The following ASB15 variants were observed in gnomAD, a reference collection of about 807,000 sequenced individuals.
ASB15 encodes the protein ankyrin repeat and SOCS box protein 15.
ASB15 carries 54 observed loss-of-function variants against 58.0 expected under a neutral mutation model. That is an observed-to-expected ratio of 0.93 (90% CI 0.75 to 1.17). ASB15 has a LOEUF of 1.17. ASB15 is among the 50% of genes most tolerant of loss of function. The pLI, the probability that ASB15 is intolerant of heterozygous loss-of-function variation, is 0.00. For synonymous variants in ASB15, 249 were observed against 262.4 expected (o/e 0.95, Z 0.50); for missense variants, 680 against 707.4 (o/e 0.96, Z 0.44).
intron 9 of ASB15, among the ~76,000 whole-genome samples, chr7:123,627,705 T>C (rs1801886638): frequency 6.6e-6 from 1 of 152,238 alleles, no homozygotes; most frequent in Non-Finnish European, 1.5e-5. Context: ...TATTATAGTA[T>C]AATGTCAAAT....
chr7:123,588,860 CA>C (rs1373076092), intron 1 of ASB15, among the ~76,000 whole-genome samples: 2 of 151,620 alleles, frequency 1.3e-5, no homozygotes, highest in African/African-American at 4.8e-5. Flanking sequence ...TTAATCTTCA[CA>C]TATTTTTTAA....
chr7:123,595,548 A>G (rs955391933), intron 1 of ASB15, among the ~76,000 whole-genome samples: 3 of 152,188 alleles, frequency 2.0e-5, no homozygotes, highest in African/African-American at 7.2e-5. Flanking sequence ...GTTTACCACA[A>G]TTCATTTTCT....
intron 2 of ASB15, among the ~76,000 whole-genome samples, chr7:123,605,213 A>C (rs1232255072): frequency 6.6e-6 from 1 of 152,212 alleles, no homozygotes; most frequent in Non-Finnish European, 1.5e-5. Context: ...ATTTATGTGT[A>C]TATGCATAAG....
At chr7:123,594,742 G>A (rs547028427) in intron 1 of ASB15, among the ~76,000 whole-genome samples, 1 of 152,298 alleles carries the variant, frequency 6.6e-6, no homozygotes, top group East Asian at 1.9e-4. Flanking sequence ...ACGGGGGTCA[G>A]GGACCCACTT....
rs560109929 is a variant in ASB15, at chr7:123,586,517, G to A, written c.-442-17515G>A. Among the ~76,000 whole-genome samples, 11 of 151,554 alleles carry A rather than the reference G, an allele frequency of 7.3e-5. No homozygotes were observed. In the East Asian group the frequency reaches 1.4e-3, roughly 19 times the overall value. ...TTCTCCCTTGGTTGCATTTTCTTTCGTTGATTGTTTCCTTTGCTGTGCAGA... is the reference window on the plus strand; with the variant it reads ...TTCTCCCTTGGTTGCATTTTCTTTCATTGATTGTTTCCTTTGCTGTGCAGA... On this transcript the variant is annotated intron_variant, in intron 1 of 13. Transcript: ENST00000451558.
chr7:123,609,960 T>A (rs1800352829), intron 3 of ASB15, among the ~76,000 whole-genome samples: 1 of 152,210 alleles, frequency 6.6e-6, no homozygotes, highest in South Asian at 2.1e-4. Context: ...GACCATGATG[T>A]TTAGACTCCA....
intron 11 of ASB15, among the ~76,000 whole-genome samples, chr7:123,634,857 G>C (rs1473419066): frequency 6.6e-6 from 1 of 152,166 alleles, no homozygotes; most frequent in African/African-American, 2.4e-5. Context: ...CACAGAACCT[G>C]ATATAGTTTT....
intron 2 of ASB15, among the ~76,000 whole-genome samples, chr7:123,607,476 T>G (rs1418014397): frequency 6.6e-6 from 1 of 152,186 alleles, no homozygotes; most frequent in Non-Finnish European, 1.5e-5. Context: ...TCTGATTATT[T>G]CTTTTATTTA....
At chr7:123,618,945 G>A (rs57327929) in intron 7 of ASB15, among the ~76,000 whole-genome samples, 43,402 of 151,804 alleles carry the variant, frequency 0.29, 6,527 homozygotes, top group East Asian at 0.42. Context: ...GGAGGCCAAG[G>A]TGGGCGAATC....
chr7:123,609,710 C>T (rs890502572), intron 3 of ASB15, among the ~76,000 whole-genome samples: 2 of 152,130 alleles, frequency 1.3e-5, no homozygotes, highest in African/African-American at 4.8e-5. Context: ...AAAGGGAGAA[C>T]CTTGGTTCCG....
intron 3 of ASB15, among the ~76,000 whole-genome samples, chr7:123,611,082 CAAAAAAAAAA>C (rs34527165): frequency 3.7e-5 from 3 of 81,846 alleles, no homozygotes; most frequent in East Asian, 4.0e-4. Flanking sequence ...AACTCCATCT[CAAAAAAAAAA>C]AAAAAAAAAA....
chr7:123,615,512 T>TGCTA (rs1800743817), intron 4 of ASB15: 1 of 152,218 alleles, frequency 6.6e-6, no homozygotes, highest in African/African-American at 2.4e-5. Context: ...AACCCTGGTA[T>TGCTA]GCTAGCAGAT....
At chr7:123,620,011 C>T (rs998809653) in intron 7 of ASB15, 1 of 152,230 alleles carries the variant, frequency 6.6e-6, no homozygotes, top group African/African-American at 2.4e-5. Context: ...TTCTCTCTCA[C>T]ACATTGCAGA....
intron 1 of ASB15, among the ~76,000 whole-genome samples, chr7:123,569,866 A>C (rs1412297153): frequency 1.3e-5 from 2 of 152,188 alleles, no homozygotes; most frequent in Non-Finnish European, 2.9e-5. Flanking sequence ...GCAGAAGGGA[A>C]TTTGAATGTG....
chr7:123,572,323 G>A (rs781059833), intron 1 of ASB15, among the ~76,000 whole-genome samples: 2 of 151,206 alleles, frequency 1.3e-5, no homozygotes, highest in Non-Finnish European at 3.0e-5. Context: ...TGTATTTTTA[G>A]TAGAGACAGG....
At position 123,583,294 on chromosome 7, in the gene ASB15, G is replaced by C. The variant is rs114944571; in HGVS notation, c.-443+16206G>C. Reference sequence around the variant, plus strand: ...GATTCTAAAACTGAACAGGAAATCAGAGCTATTTTTGGGCCTAATTTCAAC... The same window carrying C: ...GATTCTAAAACTGAACAGGAAATCACAGCTATTTTTGGGCCTAATTTCAAC... On this transcript the variant is annotated intron_variant, in intron 1 of 13. Transcript: ENST00000451558. Among the ~76,000 whole-genome samples the C allele has an allele frequency of 8.0e-3, 1,222 of 152,024 alleles. 15 individuals carry two copies. Among genetic ancestry groups the C allele is most frequent in the African/African-American group, 0.027 (1,141 of 41,522 alleles).
chr7:123,631,472 A>G (rs1802112541), intron 11 of ASB15, among the ~76,000 whole-genome samples: 1 of 152,182 alleles, frequency 6.6e-6, no homozygotes. Flanking sequence ...TATTTTTTAC[A>G]AATAAAAAGC....
At chr7:123,588,073 C>A (rs768767096) in intron 1 of ASB15, among the ~76,000 whole-genome samples, 2 of 151,754 alleles carry the variant, frequency 1.3e-5, no homozygotes, top group African/African-American at 2.4e-5. Flanking sequence ...AGTATTCCCT[C>A]CTCTTCAACT....
At chr7:123,633,986 T>C (rs1802277243) in intron 11 of ASB15, among the ~76,000 whole-genome samples, 1 of 152,204 alleles carries the variant, frequency 6.6e-6, no homozygotes, top group Non-Finnish European at 1.5e-5. Flanking sequence ...TTTCAATGAA[T>C]TGAAGCCAAT....
Sources: allele counts gnomAD v4.1 joint callset (sites outside exome capture counted in the v4.1 genomes callset), GRCh38; gene constraint gnomAD v4.1.1; transcripts MANE v1.5; gene names NCBI Gene and HGNC (gene_info 2026-07-23, HGNC 2026-07-21).